SCAND3: variants seen among roughly 807,000 people sequenced by gnomAD.
SCAND3 encodes SCAN domain-containing protein 3.
the SCAND3 span, among the ~76,000 whole-genome samples, chr6:28,593,857 A>G: frequency 6.6e-6 from 1 of 151,984 alleles, no homozygotes; most frequent in Non-Finnish European, 1.5e-5. Flanking sequence ...GGCATGCGCC[A>G]CCATTCCCCG....
chr6:28,584,329 GAATTTTAAAAGACA>G, the SCAND3 span, among the ~76,000 whole-genome samples: 1 of 151,902 alleles, frequency 6.6e-6, no homozygotes, highest in Non-Finnish European at 1.5e-5. Context: ...AGAATTATAA[GAATTTTAAAAGACA>G]ATTTTTTTCT....
the SCAND3 span, among the ~76,000 whole-genome samples, chr6:28,614,376 A>C: frequency 1.3e-5 from 2 of 152,212 alleles, no homozygotes; most frequent in Non-Finnish European, 2.9e-5. Context: ...CATTTAACAT[A>C]TGCTGGGCAC....
chr6:28,581,300 T>C, the SCAND3 span, among the ~76,000 whole-genome samples: 1 of 152,148 alleles, frequency 6.6e-6, no homozygotes, highest in East Asian at 1.9e-4. Context: ...ATCGTGCCAC[T>C]GCCCTCCAGC....
the SCAND3 span, chr6:28,589,300 T>C: frequency 6.6e-6 from 1 of 152,222 alleles, no homozygotes; most frequent in Non-Finnish European, 1.5e-5. Context: ...GACCTAACTC[T>C]TTCGGATCGG....
the SCAND3 span, among the ~76,000 whole-genome samples, chr6:28,614,234 G>A: frequency 5.3e-5 from 8 of 152,178 alleles, no homozygotes; most frequent in South Asian, 1.4e-3. Flanking sequence ...AAAGTGCTGG[G>A]ATTACAGGCG....
chr6:28,598,407 A>G, the SCAND3 span, among the ~76,000 whole-genome samples: 2 of 151,960 alleles, frequency 1.3e-5, no homozygotes, highest in South Asian at 4.1e-4. Context: ...TTCCTTTGAA[A>G]TCTTTACTTC....
the SCAND3 span, among the ~76,000 whole-genome samples, chr6:28,609,615 C>A: frequency 6.6e-6 from 1 of 152,138 alleles, no homozygotes; most frequent in Admixed American, 6.6e-5. Flanking sequence ...CTGCTATAAC[C>A]ATGAGGTGAA....
chr6:28,600,128 T>A, the SCAND3 span, among the ~76,000 whole-genome samples: 1 of 151,670 alleles, frequency 6.6e-6, no homozygotes, highest in Non-Finnish European at 1.5e-5. Flanking sequence ...GAAAAAAAAA[T>A]AAGTTGGATT....
chr6:28,587,369 C>G, the SCAND3 span: 1 of 152,290 alleles, frequency 6.6e-6, no homozygotes, highest in Non-Finnish European at 1.5e-5. Context: ...CAGGTGGTGC[C>G]GTCTTCTCAC....
the SCAND3 span, among the ~76,000 whole-genome samples, chr6:28,604,130 G>C: frequency 9.2e-5 from 14 of 152,216 alleles, no homozygotes; most frequent in South Asian, 2.1e-4. Flanking sequence ...TCCAGGGTTA[G>C]GGGAAAAAGA....
At chr6:28,601,891 C>A in the SCAND3 span, among the ~76,000 whole-genome samples, 4 of 152,274 alleles carry the variant, frequency 2.6e-5, no homozygotes, top group South Asian at 8.3e-4. Flanking sequence ...CTGTGGGACC[C>A]TGGTGCTGAA....
At chr6:28,596,992 A>T in the SCAND3 span, among the ~76,000 whole-genome samples, 1 of 152,224 alleles carries the variant, frequency 6.6e-6, no homozygotes, top group African/African-American at 2.4e-5. Flanking sequence ...ATTTTTCTAT[A>T]GCCCTCAATT....
chr6:28,579,068 C>T, the SCAND3 span, among the ~76,000 whole-genome samples: 1 of 152,158 alleles, frequency 6.6e-6, no homozygotes, highest in Non-Finnish European at 1.5e-5. This position sits in a 1 kb window ranked among gnomAD's most constrained non-coding sequence, Gnocchi z 4.5. Context: ...CATGAAAAAT[C>T]TTGTGTTCAA....
chr6:28,572,442 T>G, the SCAND3 span: 1 of 1,612,904 alleles, frequency 6.2e-7, no homozygotes, highest in Admixed American at 1.7e-5. The surrounding 1 kb of genome is among the most constrained non-coding windows in gnomAD (Gnocchi z 4.1). Flanking sequence ...CATAACAATC[T>G]GTAGAAATTC....
the SCAND3 span, among the ~76,000 whole-genome samples, chr6:28,577,491 C>T: frequency 1.3e-5 from 2 of 152,164 alleles, no homozygotes; most frequent in Non-Finnish European, 2.9e-5. Context: ...AGGCATCTAA[C>T]TATCTTTAAG....
chr6:28,581,972 C>T, the SCAND3 span, among the ~76,000 whole-genome samples: 1 of 152,166 alleles, frequency 6.6e-6, no homozygotes, highest in Non-Finnish European at 1.5e-5. Context: ...AAATGAGAAA[C>T]ATTTATACAA....
At chr6:28,607,711 T>C in the SCAND3 span, among the ~76,000 whole-genome samples, 79 of 152,218 alleles carry the variant, frequency 5.2e-4, no homozygotes, top group African/African-American at 1.8e-3. Flanking sequence ...GATAGGTACA[T>C]GAAGGACAAT....
At chr6:28,588,628 AT>A in the SCAND3 span, among the ~76,000 whole-genome samples, 6 of 152,232 alleles carry the variant, frequency 3.9e-5, no homozygotes, top group African/African-American at 1.4e-4. This position sits in a 1 kb window ranked among gnomAD's most constrained non-coding sequence, Gnocchi z 4.1. Flanking sequence ...CAATATTATT[AT>A]GTACAAATAT....
chr6:28,582,729 TG>T, the SCAND3 span, among the ~76,000 whole-genome samples: 15 of 151,874 alleles, frequency 9.9e-5, no homozygotes, highest in African/African-American at 2.9e-4. The surrounding 1 kb of genome is among the most constrained non-coding windows in gnomAD (Gnocchi z 4.8). Flanking sequence ...GAGACCATCC[TG>T]GCCAACATGG....
Sources: gnomAD v4.1 joint callset for allele counts (sites outside exome capture counted in the v4.1 genomes callset) on GRCh38, gnomAD v4.1.1 for gene constraint, Gnocchi (gnomAD v3.1) non-coding constraint, MANE v1.5 for transcripts, NCBI Gene and HGNC (gene_info 2026-07-23, HGNC 2026-07-21) for gene names.